Variants in BACH2 observed in about 807,000 individuals in gnomAD.
BACH2 encodes transcription regulator protein BACH2.
BACH2 carries 5 observed loss-of-function variants against 61.8 expected under a neutral mutation model. The observed-to-expected ratio is 0.08, with a 90% CI of 0.04 to 0.17. BACH2 has a LOEUF of 0.17. BACH2 is among the 10% of genes least tolerant of loss of function. The probability of loss-of-function intolerance (pLI) is 1.00; values close to 1 mark genes in which losing one functional copy is unlikely to be tolerated. For missense variants in BACH2, 824 were observed against 1,091.1 expected (o/e 0.76, Z 3.45); for synonymous variants, 446 against 440.1 (o/e 1.01, Z -0.17).
rs10602894 is a variant in BACH2 at position 90,138,053 on chromosome 6, A to AACAC, written c.-161-48948_-161-48945dup. Among the ~76,000 whole-genome samples the AACAC allele has an allele frequency of 6.3e-3, 910 of 143,650 alleles. 5 individuals carry two copies. Among genetic ancestry groups the AACAC allele is most frequent in the East Asian group, 0.035 (170 of 4,904 alleles). 94.2% of individuals were successfully genotyped at this position (143,650 alleles called of 152,430 possible). A position where few individuals can be genotyped will look rare whatever the true frequency, so the allele number is the denominator to read the frequency against. On this transcript the variant is annotated intron_variant, in intron 4 of 8. Transcript: ENST00000257749. ...GAGATCATGACTATTCTAATCATAA[A>AACAC]ACACACACACACACACACACACACA...
At chr6:90,158,187 A>G (rs528608496) in intron 4 of BACH2, among the ~76,000 whole-genome samples, 1 of 152,272 alleles carries the variant, frequency 6.6e-6, no homozygotes, top group African/African-American at 2.4e-5. Context: ...AGACGGAGCT[A>G]AAGAGGTAGG....
At chr6:90,239,141 C>T (rs991514431) in intron 3 of BACH2, among the ~76,000 whole-genome samples, 4 of 152,178 alleles carry the variant, frequency 2.6e-5, no homozygotes, top group Admixed American at 1.3e-4. Context: ...AAAATCAATA[C>T]ACAACCCCAT....
At chr6:90,163,093 T>C (rs1422607993) in intron 4 of BACH2, among the ~76,000 whole-genome samples, 1 of 152,208 alleles carries the variant, frequency 6.6e-6, no homozygotes, top group Non-Finnish European at 1.5e-5. Context: ...TCAACTTCTC[T>C]AAAGATGATG....
chr6:90,191,438 T>C (rs1768568675), intron 4 of BACH2, among the ~76,000 whole-genome samples: 7 of 152,226 alleles, frequency 4.6e-5, no homozygotes, highest in Admixed American at 4.6e-4. Flanking sequence ...CTCATTCTTT[T>C]AAGAACTAAA....
intron 4 of BACH2, among the ~76,000 whole-genome samples, chr6:90,181,225 T>C (rs1768151189): frequency 6.6e-6 from 1 of 152,052 alleles, no homozygotes; most frequent in Non-Finnish European, 1.5e-5. Flanking sequence ...TGGGGTAAGG[T>C]GGTATGTTGT....
At chr6:90,237,901 A>G (rs949340758) in intron 3 of BACH2, among the ~76,000 whole-genome samples, 4 of 152,200 alleles carry the variant, frequency 2.6e-5, no homozygotes, top group Non-Finnish European at 5.9e-5. Flanking sequence ...GAAATCTAAC[A>G]AGGTCTCAAA....
chr6:90,139,707 T>C (rs1424461801), intron 4 of BACH2, among the ~76,000 whole-genome samples: 1 of 152,238 alleles, frequency 6.6e-6, no homozygotes, highest in Non-Finnish European at 1.5e-5. Flanking sequence ...GGATGTGTCC[T>C]TATCTTCCAT....
intron 1 of BACH2, among the ~76,000 whole-genome samples, chr6:90,273,250 C>G (rs1391356094): frequency 6.6e-6 from 1 of 152,048 alleles, no homozygotes; most frequent in Non-Finnish European, 1.5e-5. Context: ...CCTGGCTACT[C>G]AGGAGGCTAA....
Position 90,028,398 on chromosome 6 carries a change from G to A in BACH2, c.-12-19542C>T, listed in dbSNP as rs142382111. 8.5e-5 allele frequency among the ~76,000 whole-genome samples: 13 copies of A among 152,276 alleles called. No individual in the cohort carries two copies. The East Asian group carries it at 1.7e-3, about 20-fold the overall frequency. On this transcript the variant is annotated intron_variant, in intron 5 of 8. Transcript: ENST00000257749. ...ATTCCTTCAGATTTGTTAAAAGTGC[G>A]TGCTTTGGATACTCTATCCTCCCAT...
At chr6:90,270,794 T>C (rs898781077) in intron 2 of BACH2, among the ~76,000 whole-genome samples, 4 of 151,696 alleles carry the variant, frequency 2.6e-5, no homozygotes, top group African/African-American at 9.7e-5. Context: ...AAAGAAGAAA[T>C]CTGGAGGCAT....
At chr6:90,130,051 A>G (rs571827525) in intron 4 of BACH2, among the ~76,000 whole-genome samples, 1 of 152,070 alleles carries the variant, frequency 6.6e-6, no homozygotes, top group East Asian at 1.9e-4. Flanking sequence ...TATATTTTTT[A>G]GTAGAGACGG....
intron 6 of BACH2, chr6:89,953,190 G>GA (rs1774231991): frequency 2.0e-5 from 3 of 152,308 alleles, no homozygotes; most frequent in Admixed American, 2.0e-4. Context: ...ACCTGTAATT[G>GA]ATGTTCAAGA....
At chr6:90,263,552 T>C (rs1169980856) in intron 2 of BACH2, among the ~76,000 whole-genome samples, 1 of 152,210 alleles carries the variant, frequency 6.6e-6, no homozygotes, top group African/African-American at 2.4e-5. Flanking sequence ...AATAGACAAA[T>C]TAGTGATGCA....
chr6:89,979,979 A>G (rs569017488), intron 6 of BACH2, among the ~76,000 whole-genome samples: 7 of 152,320 alleles, frequency 4.6e-5, no homozygotes, highest in South Asian at 2.1e-4. Flanking sequence ...TTACAGTCAT[A>G]TAACTTGTGT....
chr6:90,112,932 GA>G (rs1380079100), intron 4 of BACH2, among the ~76,000 whole-genome samples: 1 of 151,678 alleles, frequency 6.6e-6, no homozygotes, highest in Non-Finnish European at 1.5e-5. Context: ...ATGGAAAACA[GA>G]AAAAAAGCAG....
At chr6:90,014,440 G>GTGTATATATATA (rs1330299169) in intron 5 of BACH2, among the ~76,000 whole-genome samples, 1 of 48,036 alleles carries the variant, frequency 2.1e-5, no homozygotes, top group African/African-American at 1.1e-4. Context: ...GTGTGTGTGT[G>GTGTATATATATA]TATATATATA....
intron 7 of BACH2, among the ~76,000 whole-genome samples, chr6:89,944,824 T>A (rs940898783): frequency 9.2e-5 from 14 of 152,322 alleles, no homozygotes; most frequent in Admixed American, 5.9e-4. Flanking sequence ...CTCTCTGTGG[T>A]GCTTCTTTAC....
At chr6:90,116,780 G>A (rs1389679071) in intron 4 of BACH2, 1 of 471,200 alleles carries the variant, frequency 2.1e-6, no homozygotes, top group Non-Finnish European at 3.9e-6. Flanking sequence ...TGCGCCTACA[G>A]TGACAGAATA....
chr6:90,092,291 A>AAT (rs1167228249), intron 4 of BACH2, among the ~76,000 whole-genome samples: 29 of 113,820 alleles, frequency 2.5e-4, no homozygotes, highest in South Asian at 6.7e-4. Context: ...AAAAAAAAAA[A>AAT]ATATATATAT....
Sources: allele counts gnomAD v4.1 joint callset (sites outside exome capture counted in the v4.1 genomes callset), GRCh38; gene constraint gnomAD v4.1.1; transcripts MANE v1.5; gene names NCBI Gene and HGNC (gene_info 2026-07-23, HGNC 2026-07-21).